Variants in ZMYND8 observed in about 807,000 individuals in gnomAD.
ZMYND8 encodes MYND-type zinc finger-containing chromatin reader ZMYND8.
Under a neutral mutation model 140.8 loss-of-function variants are expected in ZMYND8, and 37 were observed. That is an observed-to-expected ratio of 0.26 (90% CI 0.20 to 0.35). ZMYND8 has a LOEUF of 0.35. ZMYND8 is among the 10% of genes least tolerant of loss of function. The probability of loss-of-function intolerance (pLI) is 1.00; values close to 1 mark genes in which losing one functional copy is unlikely to be tolerated. For synonymous variants in ZMYND8, 592 were observed against 597.1 expected, an observed-to-expected ratio of 0.99 and a Z score of 0.12; for missense variants, 1,068 against 1,570.0, an observed-to-expected ratio of 0.68 and a Z score of 5.40.
intron 2 of ZMYND8, among the ~76,000 whole-genome samples, chr20:47,326,554 G>C (rs902174139): frequency 4.6e-5 from 7 of 152,258 alleles, no homozygotes; most frequent in Non-Finnish European, 1.0e-4. Flanking sequence ...TTCAGTCTTG[G>C]TTCTGGGCCC....
At chr20:47,291,659 T>C (rs1324306561) in intron 6 of ZMYND8, 137 bp downstream of exon 6, 2 of 512,442 alleles carry the variant, frequency 3.9e-6, no homozygotes, top group Non-Finnish European at 6.4e-6. Context: ...TCTATCCAAA[T>C]AAAGGAGCAA....
chr20:47,350,795 C>A (rs2082719086), intron 1 of ZMYND8, among the ~76,000 whole-genome samples: 1 of 152,150 alleles, frequency 6.6e-6, no homozygotes. Flanking sequence ...AATGGGACAA[C>A]AAGCTCTTGT....
chr20:47,345,966 C>T (rs1224231220), intron 2 of ZMYND8, among the ~76,000 whole-genome samples: 3 of 152,074 alleles, frequency 2.0e-5, no homozygotes, highest in Non-Finnish European at 2.9e-5. Context: ...CCCCAATCCA[C>T]GTTTTTGAAG....
At chr20:47,342,973 T>C (rs1480474674) in intron 2 of ZMYND8, among the ~76,000 whole-genome samples, 1 of 151,048 alleles carries the variant, frequency 6.6e-6, no homozygotes, top group African/African-American at 2.4e-5. Context: ...GACAAGAAAG[T>C]GCTCAATAAA....
At position 47,238,848 on chromosome 20, in the gene ZMYND8, G is replaced by A. The variant is rs2039589922; in HGVS notation, c.2575C>T (p.Arg859Cys). ...TGCTGCTGCTGCTGCTGCTGCTGAC[G>A]CTGCATCTTCTGCATGTGCCACTTT... is the stretch of plus-strand genomic sequence containing the variant. ...SQKWHMQKMQ[R>C]QQQQQQQQNQ... is the part of the protein sequence containing the mutation. Residue 859 changes from arginine (R) to cysteine (C), a missense_variant, in exon 15 of 23, where the codon CGT becomes TGT. By Grantham distance (180) the Arg-to-Cys change is radical. Coordinates refer to ENST00000471951, the MANE Select transcript of ZMYND8 (RefSeq NM_001281775.3). 2.5e-6 allele frequency: 4 copies of A among 1,613,292 alleles called. No individual in the cohort carries two copies. The highest frequency in any genetic ancestry group is 3.4e-6 in the Non-Finnish European group (4 of 1,180,036).
At chr20:47,300,059 C>T (rs1315196053) in intron 3 of ZMYND8, among the ~76,000 whole-genome samples, 1 of 152,046 alleles carries the variant, frequency 6.6e-6, no homozygotes, top group Admixed American at 6.6e-5. Context: ...CATGGGAGGT[C>T]GACCTCTTCC....
intron 1 of ZMYND8, 33 bp downstream of exon 1, chr20:47,356,624 G>A: frequency 6.2e-7 from 1 of 1,614,088 alleles, no homozygotes; most frequent in Non-Finnish European, 8.5e-7. Flanking sequence ...TCAGAGGGAG[G>A]GGGAAAAAAG....
At chr20:47,270,022 T>C (rs1252783872) in intron 11 of ZMYND8, among the ~76,000 whole-genome samples, 1 of 152,136 alleles carries the variant, frequency 6.6e-6, no homozygotes. Flanking sequence ...GGCAGGCAGA[T>C]CGTTTGAGCC....
At chr20:47,238,424 C>G in intron 15 of ZMYND8, 1 of 393,602 alleles carries the variant, frequency 2.5e-6, no homozygotes, top group South Asian at 2.5e-5. Flanking sequence ...GCTTTTACAA[C>G]GGTTGATACT....
At chr20:47,354,238 C>T (rs942027727) in intron 1 of ZMYND8, 1 of 152,146 alleles carries the variant, frequency 6.6e-6, no homozygotes, top group Non-Finnish European at 1.5e-5. Context: ...TCTTGGCTCT[C>T]CAAACCTGTG....
intron 21 of ZMYND8, among the ~76,000 whole-genome samples, chr20:47,213,039 C>G (rs1372271046): frequency 6.6e-6 from 1 of 152,196 alleles, no homozygotes; most frequent in Non-Finnish European, 1.5e-5. Context: ...TGCCAATAGC[C>G]TAATTCAACC....
intron 10 of ZMYND8, among the ~76,000 whole-genome samples, chr20:47,277,259 T>C (rs1346716571): frequency 6.6e-6 from 1 of 152,276 alleles, no homozygotes; most frequent in African/African-American, 2.4e-5. Context: ...GAATGTAAGA[T>C]AATTCACACA....
Position 47,224,346 on chromosome 20 carries a change from G to A in ZMYND8, c.3227C>T (p.Pro1076Leu). 1 of 1,614,266 alleles carries A rather than the reference G, an allele frequency of 6.2e-7. No homozygotes were observed. Among genetic ancestry groups the A allele is most frequent in the Non-Finnish European group, 8.5e-7 (1 of 1,180,052 alleles). The change falls in exon 19 of 23, where the codon CCT becomes CTT. Residue 1076 changes from proline (P) to leucine (L), a missense_variant. Pro to Leu is a moderately conservative substitution (Grantham distance 98, BLOSUM62 -3). Around this residue, in one of 10 missense-constraint regions of ZMYND8, gnomAD observed 5 missense variants for 39.6 expected, o/e 0.13. Transcript: ENST00000471951. ...CDYPCQQAHW[P>L]EHMKSCTQSA... ...CTGGGTGCAGGACTTCATGTGCTCAGGCCAGTGGGCTTGCTGGCAGGGGTA... is the reference window on the plus strand; with the variant it reads ...CTGGGTGCAGGACTTCATGTGCTCAAGCCAGTGGGCTTGCTGGCAGGGGTA...
intron 18 of ZMYND8, among the ~76,000 whole-genome samples, chr20:47,225,889 A>G (rs1028916888): frequency 2.0e-5 from 3 of 151,876 alleles, no homozygotes; most frequent in South Asian, 2.1e-4. Flanking sequence ...AGTGGATCAC[A>G]TCTGTAATCC....
At chr20:47,217,609 G>A (rs2036311973) in intron 21 of ZMYND8, among the ~76,000 whole-genome samples, 1 of 135,616 alleles carries the variant, frequency 7.4e-6, no homozygotes, top group Admixed American at 7.1e-5. Context: ...CATGAGTCTG[G>A]AGAGATCTGA....
intron 2 of ZMYND8, among the ~76,000 whole-genome samples, chr20:47,345,506 C>CT (rs528404084): frequency 0.018 from 2,521 of 137,438 alleles, 33 homozygotes; most frequent in African/African-American, 0.024. Flanking sequence ...ACCTGACCCA[C>CT]TTTTTTTTTT....
intron 10 of ZMYND8, among the ~76,000 whole-genome samples, chr20:47,280,218 T>C (rs548435912): frequency 2.6e-4 from 40 of 151,406 alleles, no homozygotes; most frequent in Non-Finnish European, 4.7e-4. Flanking sequence ...TCTCTACCAC[T>C]GTGGAAGGTC....
intron 18 of ZMYND8, among the ~76,000 whole-genome samples, chr20:47,226,665 G>C (rs940564810): frequency 6.6e-6 from 1 of 152,104 alleles, no homozygotes; most frequent in Non-Finnish European, 1.5e-5. Context: ...TGAAAAAAAG[G>C]AAAGGAAAAC....
chr20:47,346,774 T>C (rs937936617), intron 2 of ZMYND8, among the ~76,000 whole-genome samples: 1 of 152,112 alleles, frequency 6.6e-6, no homozygotes, highest in African/African-American at 2.4e-5. Context: ...GCCCGACTAA[T>C]TTTTGTATTT....
Sources: allele counts gnomAD v4.1 joint callset (sites outside exome capture counted in the v4.1 genomes callset), GRCh38; gene constraint gnomAD v4.1.1; regional missense constraint gnomAD v4.1.1; transcripts MANE v1.5; gene names NCBI Gene and HGNC (gene_info 2026-07-23, HGNC 2026-07-21).